BACH2: variants seen among roughly 807,000 people sequenced by gnomAD.
BACH2 encodes the protein transcription regulator protein BACH2.
Under a neutral mutation model 61.8 loss-of-function variants are expected in BACH2, and 5 were observed. The ratio of observed to expected loss-of-function variants is 0.08; its 90% CI spans 0.04 to 0.17. The LOEUF is 0.17. Among genes scored for constraint, BACH2 ranks in the 10% least tolerant of loss-of-function variants. BACH2 has a pLI of 1.00. For synonymous variants in BACH2, 446 were observed against 440.1 expected, an observed-to-expected ratio of 1.01 and a Z score of -0.17; for missense variants, 824 against 1,091.1, an observed-to-expected ratio of 0.76 and a Z score of 3.45.
chr6:89,948,957 A>T (rs1773910405), intron 7 of BACH2, among the ~76,000 whole-genome samples: 2 of 152,224 alleles, frequency 1.3e-5, no homozygotes, highest in East Asian at 3.9e-4. Flanking sequence ...AAACCAGGCT[A>T]GCAAGCAAAG....
At chr6:90,011,187 C>T (rs534689755) in intron 5 of BACH2, among the ~76,000 whole-genome samples, 1 of 152,154 alleles carries the variant, frequency 6.6e-6, no homozygotes. Context: ...TTAGCCCTTA[C>T]ATTTAGGTCT....
At chr6:90,229,158 T>A (rs1770010429) in intron 3 of BACH2, among the ~76,000 whole-genome samples, 1 of 152,178 alleles carries the variant, frequency 6.6e-6, no homozygotes, top group Non-Finnish European at 1.5e-5. Flanking sequence ...CGAGGTCACA[T>A]CCCATACTAA....
intron 4 of BACH2, among the ~76,000 whole-genome samples, chr6:90,133,337 C>T (rs1025953235): frequency 6.6e-6 from 1 of 152,140 alleles, no homozygotes; most frequent in Non-Finnish European, 1.5e-5. Context: ...GTGGAAGACA[C>T]AGCAGAATTG....
Position 89,938,253 on chromosome 6 carries a change from T to C in BACH2, c.1934A>G (p.Glu645Gly). 1 of 1,614,262 alleles carries C rather than the reference T, an allele frequency of 6.2e-7. No homozygotes were observed. Among genetic ancestry groups the C allele is most frequent in the Non-Finnish European group, 8.5e-7 (1 of 1,180,044 alleles). ...GCGCCGTCGGACATCATGAATAAAC[T>C]CTAACTGTTCTGAGGTTAGCTTGTG... ...KMHKLTSEQLEFIHDVRRRSK... is the reference protein window; with the variant it reads ...KMHKLTSEQLGFIHDVRRRSK... Residue 645 changes from glutamate (E) to glycine (G), a missense_variant, in exon 8 of 9, where the codon GAG (glutamate) becomes GGG (glycine). By Grantham distance (98) the Glu-to-Gly change is moderately conservative. Around this residue, in one of 8 missense-constraint regions of BACH2, gnomAD observed 160 missense variants for 283.5 expected, o/e 0.56. Coordinates refer to ENST00000257749, the MANE Select transcript of BACH2 (RefSeq NM_021813.4).
chr6:89,934,484 C>T (rs563938947), intron 8 of BACH2, among the ~76,000 whole-genome samples: 1 of 152,100 alleles, frequency 6.6e-6, no homozygotes, highest in Admixed American at 6.5e-5. Flanking sequence ...ATGGTGAAAC[C>T]CTGTCTTTAC....
At chr6:90,133,335 C>T (rs1410056094) in intron 4 of BACH2, among the ~76,000 whole-genome samples, 2 of 152,124 alleles carry the variant, frequency 1.3e-5, no homozygotes, top group East Asian at 1.9e-4. Flanking sequence ...GGGTGGAAGA[C>T]ACAGCAGAAT....
chr6:90,168,837 C>A (rs1328409525), intron 4 of BACH2, among the ~76,000 whole-genome samples: 3 of 152,186 alleles, frequency 2.0e-5, no homozygotes, highest in African/African-American at 7.2e-5. Context: ...TCGCTGGACA[C>A]CACTACCTTA....
intron 1 of BACH2, among the ~76,000 whole-genome samples, chr6:90,276,679 T>C (rs1771703945): frequency 6.6e-6 from 1 of 152,160 alleles, no homozygotes; most frequent in African/African-American, 2.4e-5. Context: ...GCATTATAGA[T>C]TTTGGAATGT....
chr6:90,134,996 A>G (rs982448369), intron 4 of BACH2, among the ~76,000 whole-genome samples: 1 of 152,068 alleles, frequency 6.6e-6, no homozygotes, highest in Non-Finnish European at 1.5e-5. Context: ...AGTGGCCCTG[A>G]GATTTATACT....
At chr6:90,129,708 T>C (rs1181134123) in intron 4 of BACH2, among the ~76,000 whole-genome samples, 2 of 152,168 alleles carry the variant, frequency 1.3e-5, no homozygotes, top group Non-Finnish European at 2.9e-5. Context: ...TTCCTAGGTA[T>C]TTTATTCTCT....
rs780993242 is a variant in BACH2 at position 89,929,483 on chromosome 6, C to A, written c.*2925G>T. The A allele has an allele frequency of 6.6e-6, 1 of 152,330 alleles. No homozygotes were observed. Among genetic ancestry groups the A allele is most frequent in the Non-Finnish European group, 1.5e-5 (1 of 68,042 alleles). 9.4% of individuals were successfully genotyped at this position (152,330 alleles called of 1,614,324 possible). ...ACATCACATGAACAACTGCACGAAG[C>A]TAGTCACTGTTCATGGTGGATTATG... On this transcript the variant is annotated 3_prime_UTR_variant, in exon 9 of 9. Coordinates refer to ENST00000257749, the MANE Select transcript of BACH2 (RefSeq NM_021813.4).
intron 1 of BACH2, 99 bp from the exon 2 acceptor site, chr6:90,272,040 T>G (rs997515402): frequency 1.3e-5 from 2 of 152,346 alleles, no homozygotes; most frequent in Non-Finnish European, 2.9e-5. Flanking sequence ...TGCTTGACAT[T>G]GAACTACCTG....
intron 4 of BACH2, among the ~76,000 whole-genome samples, chr6:90,191,386 C>G (rs971965181): frequency 5.3e-5 from 8 of 152,226 alleles, no homozygotes; most frequent in African/African-American, 1.9e-4. Flanking sequence ...TTAGATGGAA[C>G]AAATTTTCAA....
chr6:90,090,189 G>A (rs1438817577), intron 4 of BACH2, among the ~76,000 whole-genome samples: 1 of 152,000 alleles, frequency 6.6e-6, no homozygotes, highest in Non-Finnish European at 1.5e-5. Flanking sequence ...GCTTTTGAAT[G>A]TTCATGTGTA....
At chr6:90,146,449 GCA>G in intron 4 of BACH2, among the ~76,000 whole-genome samples, 1 of 152,308 alleles carries the variant, frequency 6.6e-6, no homozygotes, top group South Asian at 2.1e-4. Context: ...CGATTCTGAG[GCA>G]CAGATTCTGT....
At chr6:90,144,080 A>C (rs994423985) in intron 4 of BACH2, among the ~76,000 whole-genome samples, 4 of 152,178 alleles carry the variant, frequency 2.6e-5, no homozygotes, top group Non-Finnish European at 5.9e-5. Context: ...CATCCTGAAA[A>C]ATTTTCATGC....
intron 5 of BACH2, among the ~76,000 whole-genome samples, chr6:90,068,035 T>C (rs1781045711): frequency 1.3e-5 from 2 of 152,240 alleles, no homozygotes; most frequent in Admixed American, 1.3e-4. Context: ...TTCCTTGAGA[T>C]CTCTGTGCAT....
chr6:90,165,411 TACAA>T lies in BACH2; in HGVS notation c.-162+41154_-162+41157del, dbSNP rs771135501. Among the ~76,000 whole-genome samples, 1,490 of 152,136 alleles carry T rather than the reference TACAA, an allele frequency of 9.8e-3. 22 individuals carry two copies. The highest frequency in any genetic ancestry group is 0.027 in the African/African-American group (1,137 of 41,502). On this transcript the variant is annotated intron_variant, in intron 4 of 8. Transcript: ENST00000257749. ...CACTGCTCAATGAAATAAAAGAGGA[TACAA>T]ACAAATGGAAGAACATTCCATGCTC...
chr6:90,221,801 T>A (rs1740938363), intron 3 of BACH2, among the ~76,000 whole-genome samples: 1 of 152,096 alleles, frequency 6.6e-6, no homozygotes, highest in South Asian at 2.1e-4. Context: ...TTAAAACCCG[T>A]AAGTATAAAC....
Sources: allele counts gnomAD v4.1 joint callset (sites outside exome capture counted in the v4.1 genomes callset), GRCh38; gene constraint gnomAD v4.1.1; regional missense constraint gnomAD v4.1.1; transcripts MANE v1.5; gene names NCBI Gene and HGNC (gene_info 2026-07-23, HGNC 2026-07-21).